GFM1: variants seen among roughly 807,000 people sequenced by gnomAD.
GFM1 encodes elongation factor G, mitochondrial.
GFM1 carries 62 observed loss-of-function variants against 96.2 expected under a neutral mutation model. That is an observed-to-expected ratio of 0.64 (90% CI 0.53 to 0.80). The LOEUF (loss-of-function observed/expected upper bound fraction) is 0.80. Among genes scored for constraint, GFM1 ranks in the 30% least tolerant of loss-of-function variants. GFM1 has a pLI of 0.00. For synonymous variants in GFM1, 282 were observed against 312.9 expected (o/e 0.90, Z 1.04); for missense variants, 852 against 916.6 (o/e 0.93, Z 0.91).
Position 158,659,072 on chromosome 3 carries a change from T to A in GFM1, c.1221+13T>A. 2 of 1,613,954 alleles carry A rather than the reference T, an allele frequency of 1.2e-6. No individual in the cohort carries two copies. The highest frequency in any genetic ancestry group is 1.7e-6 in the Non-Finnish European group (2 of 1,179,952). Reference sequence around the variant, plus strand: ...CGACATGATGGAGGCAAGTACAGAGTCATTGTGAGATTAGAAATTCCTCTG... The same window carrying A: ...CGACATGATGGAGGCAAGTACAGAGACATTGTGAGATTAGAAATTCCTCTG... On this transcript the variant is annotated intron_variant, in intron 9 of 17. Coordinates refer to ENST00000486715, the MANE Select transcript of GFM1 (RefSeq NM_024996.7).
At chr3:158,645,501 G>T in intron 1 of GFM1, 128 bp from the exon 2 acceptor site, 1 of 785,290 alleles carries the variant, frequency 1.3e-6, no homozygotes, top group Non-Finnish European at 2.2e-6. Flanking sequence ...TTCCCCTGGT[G>T]CCTTTCTCAA....
chr3:158,649,979 T>G, intron 5 of GFM1: 1 of 1,529,480 alleles, frequency 6.5e-7, no homozygotes, highest in South Asian at 1.2e-5. Context: ...AGGAGTGACC[T>G]CTGTAGCCTG....
At chr3:158,668,114 A>G (rs1048969281) in intron 13 of GFM1, among the ~76,000 whole-genome samples, 3 of 152,210 alleles carry the variant, frequency 2.0e-5, no homozygotes, top group Non-Finnish European at 4.4e-5. Flanking sequence ...GAGGAGAGTC[A>G]TTACAATTGT....
chr3:158,663,957 T>C (rs1723402541), intron 11 of GFM1, among the ~76,000 whole-genome samples: 1 of 152,164 alleles, frequency 6.6e-6, no homozygotes. Context: ...GTATCTGGCT[T>C]GTGCAGAAAA....
At chr3:158,669,431 A>G in intron 13 of GFM1, 1 of 1,606,880 alleles carries the variant, frequency 6.2e-7, no homozygotes, top group Non-Finnish European at 8.5e-7. Context: ...ATATTTATAT[A>G]CCTGGAATAT....
intron 5 of GFM1, among the ~76,000 whole-genome samples, chr3:158,651,750 T>C (rs1169784096): frequency 1.3e-5 from 2 of 152,220 alleles, no homozygotes; most frequent in African/African-American, 4.8e-5. Flanking sequence ...TTTTGTGTTA[T>C]ATATTTTATC....
chr3:158,645,567 T>C (rs773741307), intron 1 of GFM1, 62 bp from the exon 2 acceptor site: 9 of 1,368,186 alleles, frequency 6.6e-6, no homozygotes, highest in Non-Finnish European at 9.4e-6. Flanking sequence ...ATACTCCTTT[T>C]AATTGTCTGT....
rs1309212087 is a variant in GFM1 at position 158,646,823 on chromosome 3, G to A, written c.448G>A (p.Gly150Arg). Residue 150 changes from glycine (G) to arginine (R), a missense_variant, in exon 4 of 18, where the codon GGG becomes AGG. Coordinates refer to ENST00000486715, the MANE Select transcript of GFM1 (RefSeq NM_024996.7). ...AGTCCTTGTTCTCTGTGCTGTTGGA[G>A]GGGTACAGTGCCAGACCATGACTGT... ...GAVLVLCAVG[G>R]VQCQTMTVNR... 6.2e-7 allele frequency: 1 copy of A among 1,614,034 alleles called. No individual in the cohort carries two copies. The highest frequency in any genetic ancestry group is 8.5e-7 in the Non-Finnish European group (1 of 1,180,004).
At chr3:158,670,556 C>G (rs953725669) in intron 13 of GFM1, among the ~76,000 whole-genome samples, 6 of 152,126 alleles carry the variant, frequency 3.9e-5, no homozygotes, top group Non-Finnish European at 7.4e-5. Flanking sequence ...TAGTAAAGAA[C>G]TGATCCTTGT....
In GFM1 at chr3:158,666,620, T is replaced by C. The variant is rs1723712156; in HGVS notation, c.1601+234T>C. Reference sequence around the variant, plus strand: ...TGGCATACACATCAATAGACATGTTTACACTTCCAGTGTTAGGGTTTTTGT... The same window carrying C: ...TGGCATACACATCAATAGACATGTTCACACTTCCAGTGTTAGGGTTTTTGT... On this transcript the variant is annotated intron_variant, in intron 13 of 17. Transcript: ENST00000486715. 3 of 1,582,532 alleles carry C rather than the reference T, an allele frequency of 1.9e-6. No individual in the cohort carries two copies. The South Asian group carries it at 3.3e-5, about 18-fold the overall frequency.
intron 7 of GFM1, among the ~76,000 whole-genome samples, chr3:158,653,735 T>G (rs1722494298): frequency 6.6e-6 from 1 of 151,144 alleles, no homozygotes. Flanking sequence ...CATTTGGGAC[T>G]AGCTGTTTTC....
chr3:158,690,141 CTT>C lies in GFM1; in HGVS notation c.1910-9_1910-8del, dbSNP rs34920045. ...TGTAGTTTGTATGAAGACTAATGAA[CTT>C]TTTTTTTTTTTTAACCCAGCCTTGG... On this transcript the variant is annotated intron_variant, in intron 15 of 17. Transcript: ENST00000486715. 6,268 of 1,341,512 alleles carry C rather than the reference CTT, an allele frequency of 4.7e-3. No individual in the cohort carries two copies. Among genetic ancestry groups the C allele is most frequent in the Non-Finnish European group, 5.2e-3 (5,005 of 957,970 alleles). The allele number at this position is 1,341,512 out of a possible 1,614,324, so 83.1% of individuals were successfully genotyped here. A position where few individuals can be genotyped will look rare whatever the true frequency, so the allele number is the denominator to read the frequency against.
In GFM1 at chr3:158,690,339, C is replaced by A; in HGVS notation, c.2070+16C>A. Reference sequence around the variant, plus strand: ...GTATGCAGATGTAAGTAGTCTTGGTCATTGGCAGTCCTGCTTTTATTAACC... The same window carrying A: ...GTATGCAGATGTAAGTAGTCTTGGTAATTGGCAGTCCTGCTTTTATTAACC... On this transcript the variant is annotated intron_variant, in intron 16 of 17. Coordinates refer to ENST00000486715, the MANE Select transcript of GFM1 (RefSeq NM_024996.7). 1 of 1,610,658 alleles carries A rather than the reference C, an allele frequency of 6.2e-7. No homozygotes were observed. The highest frequency in any genetic ancestry group is 1.1e-5 in the South Asian group (1 of 90,936).
intron 13 of GFM1, chr3:158,669,193 T>C: frequency 6.9e-7 from 1 of 1,453,816 alleles, no homozygotes; most frequent in South Asian, 1.3e-5. Flanking sequence ...TAAAACAAAA[T>C]CTAAATTCTA....
intron 10 of GFM1, among the ~76,000 whole-genome samples, chr3:158,661,632 TG>T (rs577008756): frequency 1.3e-4 from 20 of 152,208 alleles, no homozygotes; most frequent in Non-Finnish European, 2.6e-4. Flanking sequence ...TCACCTTTTT[TG>T]CCTCTGTAGG....
At chr3:158,646,359 T>C in intron 3 of GFM1, 62 bp downstream of exon 3, 1 of 1,558,472 alleles carries the variant, frequency 6.4e-7, no homozygotes, top group Non-Finnish European at 8.8e-7. Flanking sequence ...GTTCTTTCTC[T>C]TACTGTGACC....
chr3:158,688,843 G>A (rs1726079554), intron 15 of GFM1, among the ~76,000 whole-genome samples: 1 of 152,094 alleles, frequency 6.6e-6, no homozygotes, highest in African/African-American at 2.4e-5. Flanking sequence ...GTGTGAGCTA[G>A]GATATGATTT....
At chr3:158,661,145 A>G (rs1356784168) in intron 10 of GFM1, among the ~76,000 whole-genome samples, 170 bp downstream of exon 10, 2 of 152,202 alleles carry the variant, frequency 1.3e-5, no homozygotes, top group Non-Finnish European at 2.9e-5. Flanking sequence ...TTGAATGTCA[A>G]TTAGACAAGT....
At chr3:158,647,067 AT>A (rs1251416306) in intron 4 of GFM1, 120 bp downstream of exon 4, 1 of 825,042 alleles carries the variant, frequency 1.2e-6, no homozygotes, top group Non-Finnish European at 2.0e-6. Context: ...TTTTAAATAT[AT>A]TTATGTGAGT....
Sources: allele counts gnomAD v4.1 joint callset (sites outside exome capture counted in the v4.1 genomes callset), GRCh38; gene constraint gnomAD v4.1.1; transcripts MANE v1.5; gene names NCBI Gene and HGNC (gene_info 2026-07-23, HGNC 2026-07-21).